Variants in ANKRD17 observed in about 807,000 individuals in gnomAD.
The protein encoded by ANKRD17 is ankyrin repeat domain 17.
A neutral mutation model predicts 229.7 loss-of-function variants in ANKRD17; 19 were observed. The observed-to-expected ratio is 0.08, with a 90% CI of 0.06 to 0.12. ANKRD17 has a LOEUF of 0.12. Among genes scored for constraint, ANKRD17 ranks in the 10% least tolerant of loss-of-function variants. ANKRD17 has a pLI of 1.00. For missense variants in ANKRD17, 2,176 were observed against 3,176.8 expected, an observed-to-expected ratio of 0.68 and a Z score of 7.57; for synonymous variants, 1,112 against 1,146.1, an observed-to-expected ratio of 0.97 and a Z score of 0.60.
intron 15 of ANKRD17, 120 bp downstream of exon 15, chr4:73,139,411 C>A (rs1729332561): frequency 8.6e-6 from 10 of 1,166,330 alleles, no homozygotes; most frequent in African/African-American, 3.1e-5. Context: ...ACTTCTAAAG[C>A]TAGACATGAG....
At chr4:73,200,312 T>C (rs546526843) in intron 1 of ANKRD17, among the ~76,000 whole-genome samples, 2 of 152,204 alleles carry the variant, frequency 1.3e-5, no homozygotes, top group Admixed American at 6.5e-5. Flanking sequence ...AATAAATAAA[T>C]AAAAATTGTC....
At chr4:73,086,919 A>AATATATATATATATATATATATATATAT (rs61024099) in intron 29 of ANKRD17, among the ~76,000 whole-genome samples, 1 of 12,462 alleles carries the variant, frequency 8.0e-5, no homozygotes, top group African/African-American at 2.6e-4. Flanking sequence ...AAAAAAAAAA[A>AATATATATATATATATATATATATATAT]ATATATATAT....
chr4:73,120,552 A>AAG (rs1553917396), intron 20 of ANKRD17, among the ~76,000 whole-genome samples: 26 of 151,414 alleles, frequency 1.7e-4, no homozygotes, highest in Non-Finnish European at 3.1e-4. Flanking sequence ...AAAAAAAAAA[A>AAG]AAAGAAAGAA....
intron 28 of ANKRD17, 61 bp from the exon 29 acceptor site, chr4:73,092,361 TTTTAATATGTA>T: frequency 7.4e-7 from 1 of 1,351,628 alleles, no homozygotes; most frequent in Non-Finnish European, 1.0e-6. Context: ...TGTAAAGTGT[TTTTAATATGTA>T]TTTATGTACA....
At chr4:73,176,633 A>T (rs1384992208) in intron 2 of ANKRD17, among the ~76,000 whole-genome samples, 1 of 152,164 alleles carries the variant, frequency 6.6e-6, no homozygotes, top group African/African-American at 2.4e-5. Context: ...AAAATGAATA[A>T]GACCTAGTAT....
chr4:73,097,497 C>T (rs1204780147), intron 26 of ANKRD17, among the ~76,000 whole-genome samples: 1 of 151,000 alleles, frequency 6.6e-6, no homozygotes, highest in Non-Finnish European at 1.5e-5. Context: ...CGCAACAGTG[C>T]AATCACAGCT....
rs1443646958 is a variant in ANKRD17 at position 73,129,333 on chromosome 4, A to T, written c.3235-4021T>A. Among the ~76,000 whole-genome samples the T allele has an allele frequency of 1.6e-4, 24 of 152,248 alleles. 2 individuals carry two copies. Among genetic ancestry groups the T allele is most frequent in the Non-Finnish European group, 3.5e-4 (24 of 68,036 alleles). On this transcript the variant is annotated intron_variant, in intron 16 of 33. Coordinates refer to ENST00000358602, the MANE Select transcript of ANKRD17 (RefSeq NM_032217.5). ...TTATAATGGTGGTACAGAATGAAAAACAAGAAATAGTAACACAGATGGCAA... is the reference window on the plus strand; with the variant it reads ...TTATAATGGTGGTACAGAATGAAAATCAAGAAATAGTAACACAGATGGCAA...
intron 24 of ANKRD17, among the ~76,000 whole-genome samples, chr4:73,111,626 G>A (rs1725329789): frequency 6.6e-6 from 1 of 152,124 alleles, no homozygotes. Flanking sequence ...ATGTATAAGG[G>A]TGTTTATTAC....
chr4:73,164,268 G>GT (rs2148929490), intron 2 of ANKRD17, among the ~76,000 whole-genome samples: 1 of 152,250 alleles, frequency 6.6e-6, no homozygotes, highest in East Asian at 1.9e-4. Context: ...ATCTGGCTCA[G>GT]TAAAAACTAA....
chr4:73,194,256 T>C (rs1405744763), intron 1 of ANKRD17, among the ~76,000 whole-genome samples: 1 of 152,230 alleles, frequency 6.6e-6, no homozygotes, highest in Non-Finnish European at 1.5e-5. Context: ...ATATGATTAA[T>C]GTCAGGATAA....
chr4:73,163,779 C>T (rs983580208), intron 2 of ANKRD17, among the ~76,000 whole-genome samples: 12 of 152,086 alleles, frequency 7.9e-5, no homozygotes, highest in African/African-American at 2.7e-4. Context: ...ACCATCTCTG[C>T]CTTTAAAATA....
intron 1 of ANKRD17, among the ~76,000 whole-genome samples, chr4:73,241,315 A>G (rs1379756952): frequency 6.6e-6 from 1 of 152,144 alleles, no homozygotes; most frequent in Non-Finnish European, 1.5e-5. Flanking sequence ...AAATGAATAA[A>G]ATGTAAAAGT....
intron 22 of ANKRD17, among the ~76,000 whole-genome samples, 176 bp downstream of exon 22, chr4:73,118,512 T>C (rs566326712): frequency 6.6e-6 from 1 of 152,202 alleles, no homozygotes; most frequent in South Asian, 2.1e-4. Context: ...TTAATGGCTT[T>C]TCTGAAAAAC....
At chr4:73,155,545 T>A (rs1731552232) in intron 5 of ANKRD17, 86 bp downstream of exon 5, 1 of 1,485,204 alleles carries the variant, frequency 6.7e-7, no homozygotes, top group South Asian at 1.2e-5. Flanking sequence ...AACTGAAAAA[T>A]TAGCACTAAA....
At chr4:73,107,575 T>C (rs918452556) in intron 24 of ANKRD17, among the ~76,000 whole-genome samples, 2 of 152,196 alleles carry the variant, frequency 1.3e-5, no homozygotes, top group African/African-American at 4.8e-5. Context: ...ATGGAGGGTT[T>C]TGATTTTTAA....
intron 2 of ANKRD17, among the ~76,000 whole-genome samples, chr4:73,167,418 T>G (rs1455566432): frequency 6.6e-6 from 1 of 152,206 alleles, no homozygotes; most frequent in African/African-American, 2.4e-5. Flanking sequence ...ACTATTTGCA[T>G]CGTATGAAAA....
At chr4:73,107,765 G>A (rs911295119) in intron 24 of ANKRD17, among the ~76,000 whole-genome samples, 9 of 152,162 alleles carry the variant, frequency 5.9e-5, no homozygotes, top group African/African-American at 9.7e-5. Context: ...AACAGTATCA[G>A]GAGGCTTGAT....
intron 32 of ANKRD17, 121 bp downstream of exon 32, chr4:73,077,234 T>C (rs1721091285): frequency 7.7e-7 from 1 of 1,305,906 alleles, no homozygotes; most frequent in Non-Finnish European, 1.0e-6. Context: ...CTAAGAAATC[T>C]AAAAATTATT....
At position 73,077,465 on chromosome 4, in the gene ANKRD17, C is replaced by A. The variant is rs913272492; in HGVS notation, c.7477G>T (p.Val2493Leu). ...MIHRPMSDPGVFSQHQAMERD... is the reference protein window; with the variant it reads ...MIHRPMSDPGLFSQHQAMERD... ...TCCATTGCTTGATGTTGTGAAAATA[C>A]TCCTGGGTCAGACATCGGTCTGTGG... is the stretch of plus-strand genomic sequence containing the variant. The change falls in exon 32 of 34, where the codon GTA (valine) becomes TTA (leucine). Residue 2493 changes from valine to leucine, a missense_variant. Coordinates refer to ENST00000358602, the MANE Select transcript of ANKRD17 (RefSeq NM_032217.5). 1 of 1,613,638 alleles carries A rather than the reference C, an allele frequency of 6.2e-7. No homozygotes were observed. The highest frequency in any genetic ancestry group is 1.1e-5 in the South Asian group (1 of 91,042).
Sources: allele counts gnomAD v4.1 joint callset (sites outside exome capture counted in the v4.1 genomes callset), GRCh38; gene constraint gnomAD v4.1.1; transcripts MANE v1.5; gene names NCBI Gene and HGNC (gene_info 2026-07-23, HGNC 2026-07-21).